Variants in COX18 observed in about 807,000 individuals in gnomAD.
COX18 encodes the protein cytochrome c oxidase assembly factor COX18.
A neutral mutation model predicts 38.0 loss-of-function variants in COX18; 45 were observed. That is an observed-to-expected ratio of 1.18 (90% CI 0.93 to 1.52). The LOEUF is 1.52. Ranked by LOEUF, COX18 falls within the 40% of genes most tolerant of loss-of-function variation. The pLI is 0.00. For synonymous variants in COX18, 177 were observed against 169.8 expected, an observed-to-expected ratio of 1.04 and a Z score of -0.33; for missense variants, 462 against 423.8, an observed-to-expected ratio of 1.09 and a Z score of -0.79.
chr4:73,067,864 A>AAAAAATATAAATAT, intron 2 of COX18, among the ~76,000 whole-genome samples, 165 bp downstream of exon 2: 1 of 20,010 alleles, frequency 5.0e-5, no homozygotes, highest in Non-Finnish European at 1.6e-4. Flanking sequence ...AAAAAAAAAA[A>AAAAAATATAAATAT]ATATATATAT....
At chr4:73,063,196 C>T (rs904949016) in intron 4 of COX18, among the ~76,000 whole-genome samples, 6 of 151,834 alleles carry the variant, frequency 4.0e-5, no homozygotes, top group Non-Finnish European at 8.8e-5. Context: ...ATCCCAGCTA[C>T]TCGAGAGGCT....
chr4:73,065,367 CA>C lies in COX18; in HGVS notation c.480del (p.Tyr160Ter), dbSNP rs1006576476. On this transcript the variant is annotated frameshift_variant, in exon 3 of 6. Transcript: ENST00000507544. LOFTEE classifies it high-confidence loss of function. The part of the protein sequence containing the change: ...KNMRRLISEL[Y>X]VRDNCHPFKA... Reference sequence around the variant, plus strand: ...TTGAAAGGGTGGCAGTTATCTCGCACATATAGCTCTGAAATTAGCCTCCTCA... The same window carrying C: ...TTGAAAGGGTGGCAGTTATCTCGCACTATAGCTCTGAAATTAGCCTCCTCA... 1 of 1,613,680 alleles carries C rather than the reference CA, an allele frequency of 6.2e-7. No homozygotes were observed. The highest frequency in any genetic ancestry group is 1.3e-5 in the African/African-American group (1 of 74,960).
intron 5 of COX18, among the ~76,000 whole-genome samples, chr4:73,058,947 T>C (rs1208563337): frequency 5.3e-5 from 8 of 151,822 alleles, no homozygotes; most frequent in African/African-American, 1.9e-4. Flanking sequence ...TCATAAGGAG[T>C]GTACACCCTA....
upstream of COX18, chr4:73,069,724 C>T (rs577294630): frequency 3.3e-5 from 46 of 1,392,946 alleles, no homozygotes; most frequent in Middle Eastern, 5.2e-4. Context: ...AAGGCTGATA[C>T]GCGCACGCGC....
At position 73,053,606 on chromosome 4, in the gene COX18, G is replaced by C. The variant is rs1169107795; in HGVS notation, c.*4508C>G. The C allele has an allele frequency of 6.6e-6, 1 of 152,194 alleles. No homozygotes were observed. Among genetic ancestry groups the C allele is most frequent in the Non-Finnish European group, 1.5e-5 (1 of 68,060 alleles). 9.4% of individuals were successfully genotyped at this position (152,194 alleles called of 1,614,324 possible). ...TCTCCAAGTCTGTTCTTTCGGTTTG[G>C]ACGGGTAAATGGGTGGTTCTTAGAT... On this transcript the variant is annotated 3_prime_UTR_variant, in exon 6 of 6. Transcript: ENST00000507544.
At chr4:73,062,820 G>C (rs1212836137) in intron 4 of COX18, among the ~76,000 whole-genome samples, 1 of 147,650 alleles carries the variant, frequency 6.8e-6, no homozygotes, top group Non-Finnish European at 1.5e-5. Flanking sequence ...CTGGGTGACA[G>C]AGTAAGACCG....
At chr4:73,058,947 T>G (rs1208563337) in intron 5 of COX18, among the ~76,000 whole-genome samples, 1 of 151,822 alleles carries the variant, frequency 6.6e-6, no homozygotes, top group African/African-American at 2.4e-5. Flanking sequence ...TCATAAGGAG[T>G]GTACACCCTA....
At chr4:73,061,950 T>C in intron 4 of COX18, 30 bp from the exon 5 acceptor site, 1 of 1,158,738 alleles carries the variant, frequency 8.6e-7, no homozygotes, top group Non-Finnish European at 1.3e-6. Flanking sequence ...ACATGCATAA[T>C]GATTATTAAA....
At position 73,058,204 on chromosome 4, in the gene COX18, A is replaced by T; in HGVS notation, c.915T>A (p.Leu305=). ...LLLRSPGFRQ[L]CRIPSTKSDS... is the part of the protein sequence containing the mutation. The stretch of plus-strand genomic sequence containing the variant: ...CTGACTTGGTCGATGGTATTCGGCA[A>T]AGTTGGCGAAATCCAGGAGAACGCA... Residue 305 remains leucine (L), a synonymous_variant, in exon 6 of 6, where the codon CTT becomes CTA. Coordinates refer to ENST00000507544, the MANE Select transcript of COX18 (RefSeq NM_001297732.2). The T allele has an allele frequency of 3.1e-6, 5 of 1,614,084 alleles. No individual in the cohort carries two copies. The highest frequency in any genetic ancestry group is 4.2e-6 in the Non-Finnish European group (5 of 1,179,966).
intron 5 of COX18, among the ~76,000 whole-genome samples, chr4:73,060,952 T>C (rs1263331124): frequency 2.6e-5 from 4 of 152,128 alleles, no homozygotes; most frequent in Admixed American, 2.6e-4. Flanking sequence ...ACAACTGAAT[T>C]CGACTTTATG....
chr4:73,054,636 AT>A lies in COX18; in HGVS notation c.*3477del, dbSNP rs370736847. On this transcript the variant is annotated 3_prime_UTR_variant, in exon 6 of 6. Coordinates refer to ENST00000507544, the MANE Select transcript of COX18 (RefSeq NM_001297732.2). ...AGAGCAACAGGAAACTAAGCACAAT[AT>A]ACATTTGTAAAGATACAAATATACA... 9.3e-4 allele frequency: 142 copies of A among 152,362 alleles called. No individual in the cohort carries two copies. The highest frequency in any genetic ancestry group is 3.3e-3 in the African/African-American group (136 of 41,588). 9.4% of individuals were successfully genotyped at this position (152,362 alleles called of 1,614,324 possible). A position where few individuals can be genotyped will look rare whatever the true frequency, so the allele number is the denominator to read the frequency against.
In COX18 at chr4:73,069,657, C is replaced by A. The variant is rs1331887415; in HGVS notation, c.-8G>T. ...GCCGAGCCGGCACAGCATTTCTGCA[C>A]CACGGCGGAGCCCAGATCCCGGGCC... On this transcript the variant is annotated 5_prime_UTR_variant, in exon 1 of 6. Transcript: ENST00000507544. The A allele has an allele frequency of 1.9e-6, 3 of 1,544,878 alleles. No individual in the cohort carries two copies. Among genetic ancestry groups the A allele is most frequent in the Non-Finnish European group, 2.6e-6 (3 of 1,150,646 alleles).
rs1719778154 is a variant in COX18, at chr4:73,052,872, G to C, written c.*5242C>G. ...ACTACATTCTTTAATTTTTTTTCTAGGGTCTGCATTCCTACTGCTTCTGGG... is the reference window on the plus strand; with the variant it reads ...ACTACATTCTTTAATTTTTTTTCTACGGTCTGCATTCCTACTGCTTCTGGG... On this transcript the variant is annotated 3_prime_UTR_variant, in exon 6 of 6. Coordinates refer to ENST00000507544, the MANE Select transcript of COX18 (RefSeq NM_001297732.2). 1 of 151,170 alleles carries C rather than the reference G, an allele frequency of 6.6e-6. No homozygotes were observed. The highest frequency in any genetic ancestry group is 2.1e-4 in the South Asian group (1 of 4,794). The allele number at this position is 151,170 out of a possible 1,614,324, so 9.4% of individuals were successfully genotyped here.
chr4:73,064,989 CCAATAAGGTGTCCCTCA>C (rs1302939608), intron 3 of COX18, 87 bp from the exon 4 acceptor site: 1 of 1,294,336 alleles, frequency 7.7e-7, no homozygotes, highest in Admixed American at 2.1e-5. Flanking sequence ...TCTGACAATT[CCAATAAGGTGTCCCTCA>C]CAGGAAAGAT....
At chr4:73,062,902 C>T (rs546963949) in intron 4 of COX18, among the ~76,000 whole-genome samples, 5 of 151,118 alleles carry the variant, frequency 3.3e-5, no homozygotes, top group African/African-American at 7.3e-5. Flanking sequence ...AGCCAAACTA[C>T]GTAGTTTTAC....
Position 73,054,189 on chromosome 4 carries a change from G to A in COX18, c.*3925C>T, listed in dbSNP as rs1241175853. The A allele has an allele frequency of 6.6e-6, 1 of 152,288 alleles. No homozygotes were observed. The highest frequency in any genetic ancestry group is 1.5e-5 in the Non-Finnish European group (1 of 68,122). 9.4% of individuals were successfully genotyped at this position (152,288 alleles called of 1,614,324 possible). A position where few individuals can be genotyped will look rare whatever the true frequency, so the allele number is the denominator to read the frequency against. ...AGCGCAGAGCCTCAGCAACTGAGGG[G>A]ATATAGGCAAGCCAGACAGCAAGAC... On this transcript the variant is annotated 3_prime_UTR_variant, in exon 6 of 6. Coordinates refer to ENST00000507544, the MANE Select transcript of COX18 (RefSeq NM_001297732.2).
rs1348381005 is a variant in COX18 at position 73,069,270 on chromosome 4, C to T, written c.333+47G>A. 4 of 1,375,094 alleles carry T rather than the reference C, an allele frequency of 2.9e-6. No individual in the cohort carries two copies. The African/African-American group carries it at 5.9e-5, about 20-fold the overall frequency. 85.2% of individuals were successfully genotyped at this position (1,375,094 alleles called of 1,614,324 possible). ...TGAGTGAATGTCGGCCTTCCTCCGC[C>T]GCAGGGGTTGCAGCGCAGGGTACGC... On this transcript the variant is annotated intron_variant, in intron 1 of 5. Coordinates refer to ENST00000507544, the MANE Select transcript of COX18 (RefSeq NM_001297732.2).
intron 5 of COX18, among the ~76,000 whole-genome samples, chr4:73,059,350 C>T (rs570146930): frequency 1.3e-5 from 2 of 152,316 alleles, no homozygotes; most frequent in South Asian, 4.1e-4. Context: ...CCAGTTTCCT[C>T]ATCTGTAAAG....
intron 2 of COX18, among the ~76,000 whole-genome samples, chr4:73,067,668 C>T (rs1720514751): frequency 1.3e-5 from 2 of 150,032 alleles, no homozygotes; most frequent in Admixed American, 1.3e-4. Context: ...TGGAGAAACC[C>T]CATCTCTACT....
Sources: allele counts gnomAD v4.1 joint callset (sites outside exome capture counted in the v4.1 genomes callset), GRCh38; gene constraint gnomAD v4.1.1; transcripts MANE v1.5; gene names NCBI Gene and HGNC (gene_info 2026-07-23, HGNC 2026-07-21).